DLGAP1: variants seen among roughly 807,000 people sequenced by gnomAD.
DLGAP1 encodes the protein disks large-associated protein 1.
In DLGAP1, 11 loss-of-function variants were observed where a neutral mutation model predicts 90.8. The observed-to-expected ratio is 0.12, with a 90% CI of 0.08 to 0.20. The LOEUF (loss-of-function observed/expected upper bound fraction) is 0.20. Among genes scored for constraint, DLGAP1 ranks in the 10% least tolerant of loss-of-function variants. DLGAP1 has a pLI of 1.00. For synonymous variants in DLGAP1, 558 were observed against 540.7 expected, an observed-to-expected ratio of 1.03 and a Z score of -0.44; for missense variants, 1,050 against 1,333.8, an observed-to-expected ratio of 0.79 and a Z score of 3.31.
intron 7 of DLGAP1, among the ~76,000 whole-genome samples, chr18:3,701,328 G>A (rs975263657): frequency 6.6e-5 from 10 of 152,154 alleles, no homozygotes; most frequent in South Asian, 2.1e-4. Context: ...TGGTGTTCCC[G>A]TTAAGGGTGA....
chr18:4,247,120 G>A (rs1598718782), intron 1 of DLGAP1, among the ~76,000 whole-genome samples: 2 of 152,242 alleles, frequency 1.3e-5, no homozygotes, highest in South Asian at 4.2e-4. Flanking sequence ...GGATGAGGAA[G>A]AGAAAGAGGA....
intron 3 of DLGAP1, among the ~76,000 whole-genome samples, chr18:3,905,792 T>A (rs1313071992): frequency 6.6e-6 from 1 of 152,106 alleles, no homozygotes; most frequent in African/African-American, 2.4e-5. Flanking sequence ...TGAGAAGAGG[T>A]TTGGCACAAT....
chr18:3,971,602 C>T (rs1341822564), intron 3 of DLGAP1, among the ~76,000 whole-genome samples: 2 of 152,152 alleles, frequency 1.3e-5, no homozygotes, highest in African/African-American at 2.4e-5. Context: ...TTGCAGACTG[C>T]ATTTTATATT....
rs1438583160 is a variant in DLGAP1, at chr18:4,084,920, G to C, written c.-159+66260C>G. On this transcript the variant is annotated intron_variant, in intron 2 of 12. Transcript: ENST00000315677. This position sits in a 1 kb window ranked among gnomAD's most constrained non-coding sequence, Gnocchi z 4.0. ...TGTTTAAGTTTTGTTGTTTATGATT[G>C]ACTCTAAATCAAAGAGAGCATGCTG... Among the ~76,000 whole-genome samples, 1 of 150,800 alleles carries C rather than the reference G, an allele frequency of 6.6e-6. No individual in the cohort carries two copies. Among genetic ancestry groups the C allele is most frequent in the Non-Finnish European group, 1.5e-5 (1 of 67,804 alleles).
rs569592978 is a variant in DLGAP1, at chr18:4,247,826, C to T, written c.-266-96539G>A. On this transcript the variant is annotated intron_variant, in intron 1 of 12. Coordinates refer to ENST00000315677, the MANE Select transcript of DLGAP1 (RefSeq NM_004746.4). The stretch of plus-strand genomic sequence containing the variant: ...TTTCACAGCAAGGTTTGGGATGTAA[C>T]GATATTGCAGTCAAGAGGATTAAAT... Among the ~76,000 whole-genome samples the T allele has an allele frequency of 6.6e-5, 10 of 152,154 alleles. No individual in the cohort carries two copies. In the South Asian group the frequency reaches 8.3e-4, roughly 13 times the overall value.
chr18:4,373,728 C>A (rs571872504), intron 1 of DLGAP1, among the ~76,000 whole-genome samples: 1 of 152,086 alleles, frequency 6.6e-6, no homozygotes, highest in Admixed American at 6.6e-5. Flanking sequence ...GCCCTTATTT[C>A]TTTTCTTTAA....
chr18:4,121,493 G>T (rs1305246267), intron 2 of DLGAP1, among the ~76,000 whole-genome samples: 7 of 151,980 alleles, frequency 4.6e-5, no homozygotes, highest in African/African-American at 1.7e-4. Flanking sequence ...GATCACTCTC[G>T]ATTCTGATCA....
chr18:3,755,898 T>TAG (rs1257338130), intron 5 of DLGAP1, among the ~76,000 whole-genome samples: 1 of 152,142 alleles, frequency 6.6e-6, no homozygotes, highest in Non-Finnish European at 1.5e-5. Context: ...ATCTCTAGGG[T>TAG]AGACCACATA....
chr18:3,745,290 T>A (rs1320673074), intron 5 of DLGAP1, among the ~76,000 whole-genome samples: 2 of 152,234 alleles, frequency 1.3e-5, no homozygotes, highest in Admixed American at 6.5e-5. Context: ...GTTGCACAAC[T>A]CTGAATATAT....
intron 2 of DLGAP1, among the ~76,000 whole-genome samples, chr18:4,048,910 T>A (rs985395199): frequency 6.6e-6 from 1 of 152,200 alleles, no homozygotes; most frequent in Non-Finnish European, 1.5e-5. Context: ...AGTTCACATG[T>A]AACCCTTATT....
At chr18:4,292,198 T>A (rs541936624) in intron 1 of DLGAP1, among the ~76,000 whole-genome samples, 126 of 152,288 alleles carry the variant, frequency 8.3e-4, no homozygotes, top group African/African-American at 3.0e-3. Flanking sequence ...TTAGGCAGCA[T>A]TAGCAACCAT....
At chr18:4,127,793 T>C (rs1193815867) in intron 2 of DLGAP1, among the ~76,000 whole-genome samples, 1 of 152,198 alleles carries the variant, frequency 6.6e-6, no homozygotes, top group Non-Finnish European at 1.5e-5. Context: ...GTCCCAGGTA[T>C]GCCACAAACT....
At chr18:3,652,313 A>T in intron 7 of DLGAP1, among the ~76,000 whole-genome samples, 1 of 152,076 alleles carries the variant, frequency 6.6e-6, no homozygotes, top group East Asian at 1.9e-4. Flanking sequence ...CATACTATGA[A>T]CAACAGAATT....
intron 1 of DLGAP1, among the ~76,000 whole-genome samples, chr18:4,419,024 AC>A (rs1477187921): frequency 6.6e-6 from 1 of 152,198 alleles, no homozygotes; most frequent in Non-Finnish European, 1.5e-5. Context: ...AAAGATAAGA[AC>A]TATAGCAGAC....
chr18:4,014,401 T>C (rs1401775853), intron 2 of DLGAP1, among the ~76,000 whole-genome samples: 1 of 152,012 alleles, frequency 6.6e-6, no homozygotes, highest in African/African-American at 2.4e-5. Context: ...ATAACAAACA[T>C]AGTGATTTGT....
intron 7 of DLGAP1, among the ~76,000 whole-genome samples, chr18:3,587,287 T>TAGG (rs1344243998): frequency 0.015 from 2,261 of 152,206 alleles, 65 homozygotes; most frequent in African/African-American, 0.051. Context: ...ACCCCTGACC[T>TAGG]CAGGTGATTC....
intron 8 of DLGAP1, among the ~76,000 whole-genome samples, chr18:3,569,973 C>T (rs2054670330): frequency 1.3e-5 from 2 of 151,850 alleles, no homozygotes; most frequent in Admixed American, 1.3e-4. Flanking sequence ...TTTTACTGTA[C>T]CTTTTCTATG....
intron 10 of DLGAP1, among the ~76,000 whole-genome samples, chr18:3,509,233 A>G (rs1476958729): frequency 6.6e-6 from 1 of 152,136 alleles, no homozygotes; most frequent in Non-Finnish European, 1.5e-5. Flanking sequence ...GCTGATTAAA[A>G]TATTTTCTAA....
At chr18:3,611,648 C>CT (rs1434787679) in intron 7 of DLGAP1, among the ~76,000 whole-genome samples, 5 of 152,218 alleles carry the variant, frequency 3.3e-5, no homozygotes, top group African/African-American at 1.2e-4. Context: ...CATGGCAGAA[C>CT]TTACCACGCG....
Sources: gnomAD v4.1 joint callset for allele counts (sites outside exome capture counted in the v4.1 genomes callset) on GRCh38, gnomAD v4.1.1 for gene constraint, Gnocchi (gnomAD v3.1) non-coding constraint, MANE v1.5 for transcripts, NCBI Gene and HGNC (gene_info 2026-07-23, HGNC 2026-07-21) for gene names.